Variants in CLTCL1 observed in about 807,000 individuals in gnomAD.
CLTCL1 encodes the protein clathrin heavy chain 2.
Under a neutral mutation model 190.0 loss-of-function variants are expected in CLTCL1, and 159 were observed. The ratio of observed to expected loss-of-function variants is 0.84; its 90% CI spans 0.74 to 0.95. CLTCL1 has a LOEUF of 0.95. Ranked by LOEUF, CLTCL1 falls within the 40% of genes least tolerant of loss-of-function variation. The pLI, the probability that CLTCL1 is intolerant of heterozygous loss-of-function variation, is 0.00. For missense variants in CLTCL1, 1,878 were observed against 2,033.4 expected (o/e 0.92, Z 1.47); for synonymous variants, 752 against 769.6 (o/e 0.98, Z 0.38).
chr22:19,285,197 C>A (rs1296787654), intron 1 of CLTCL1, among the ~76,000 whole-genome samples: 10 of 151,916 alleles, frequency 6.6e-5, no homozygotes, highest in Admixed American at 5.9e-4. Context: ...ATGGCGTGAA[C>A]CCTGGAGGCA....
intron 19 of CLTCL1, among the ~76,000 whole-genome samples, chr22:19,213,531 C>T (rs376388681): frequency 3.3e-5 from 5 of 152,158 alleles, no homozygotes; most frequent in Admixed American, 6.5e-5. Flanking sequence ...ACCACCCAAA[C>T]GTACTTTGAT....
rs1160974932 is a variant in CLTCL1, at chr22:19,257,621, C to T, written c.251-3394G>A. On this transcript the variant is annotated intron_variant, in intron 2 of 32. Transcript: ENST00000427926. ...GTACCCGGTTGATCAGCAGTCCAGC[C>T]GGCATCTATGCAGATGTAAGGGATT... The T allele has an allele frequency of 1.7e-5, 7 of 414,932 alleles. No individual in the cohort carries two copies. In the East Asian group the frequency reaches 3.6e-4, roughly 21 times the overall value. 25.7% of individuals were successfully genotyped at this position (414,932 alleles called of 1,614,324 possible).
At chr22:19,258,654 C>A in intron 2 of CLTCL1, 1 of 639,256 alleles carries the variant, frequency 1.6e-6, no homozygotes, top group East Asian at 3.1e-5. Context: ...CACCACCTAC[C>A]ACCGCCTGCT....
In CLTCL1 at chr22:19,183,589, T is replaced by C. The variant is rs782035220; in HGVS notation, c.4628A>G (p.Glu1543Gly). 8 of 1,613,592 alleles carry C rather than the reference T, an allele frequency of 5.0e-6. No individual in the cohort carries two copies. The Middle Eastern group carries it at 9.9e-4, about 200-fold the overall frequency. ...CTGGGCCAGCTCAGCATCCCGCGAC[T>C]CTGCAGCATGCTGCATGGCATCCTG... Reference protein sequence around the residue: ...LYKDAMQHAAESRDAELAQKL... With the variant: ...LYKDAMQHAAGSRDAELAQKL... The change falls in exon 30 of 33, where the codon GAG (glutamate) becomes GGG (glycine). Residue 1543 changes from glutamate (E) to glycine (G), a missense_variant. Transcript: ENST00000427926.
chr22:19,277,988 A>C (rs1008607032), intron 1 of CLTCL1, among the ~76,000 whole-genome samples: 3 of 152,144 alleles, frequency 2.0e-5, no homozygotes, highest in Non-Finnish European at 4.4e-5. Context: ...TGGCTAACAG[A>C]ACTCAAGGAA....
chr22:19,268,413 A>T (rs73377884), intron 2 of CLTCL1, among the ~76,000 whole-genome samples: 1,992 of 152,280 alleles, frequency 0.013, 33 homozygotes, highest in African/African-American at 0.046. Flanking sequence ...ATGAAAAGAC[A>T]AGGTACAGAC....
intron 10 of CLTCL1, among the ~76,000 whole-genome samples, chr22:19,231,555 A>T (rs1168604250): frequency 1.3e-5 from 2 of 152,250 alleles, no homozygotes; most frequent in Non-Finnish European, 1.5e-5. Context: ...TTATTGGGGC[A>T]CAACTGGGAA....
chr22:19,199,142 C>T (rs2084801529), intron 24 of CLTCL1, among the ~76,000 whole-genome samples: 1 of 152,164 alleles, frequency 6.6e-6, no homozygotes, highest in Admixed American at 6.5e-5. Context: ...CTTCGTCTGC[C>T]TTGACTAACC....
chr22:19,280,587 G>A (rs569416007), intron 1 of CLTCL1, among the ~76,000 whole-genome samples: 1 of 152,172 alleles, frequency 6.6e-6, no homozygotes, highest in African/African-American at 2.4e-5. Context: ...GGGAGGCTGA[G>A]GCGGGTGGGT....
intron 1 of CLTCL1, among the ~76,000 whole-genome samples, chr22:19,285,146 G>A (rs373361214): frequency 4.6e-4 from 69 of 151,634 alleles, no homozygotes; most frequent in African/African-American, 1.6e-3. Context: ...GTGGTGGTGG[G>A]TGCCTGTAGT....
chr22:19,246,517 C>A (rs1357477342), intron 3 of CLTCL1, among the ~76,000 whole-genome samples: 2 of 150,150 alleles, frequency 1.3e-5, no homozygotes, highest in Non-Finnish European at 3.0e-5. Context: ...GCTCTTGTTG[C>A]CCAGGCTGGA....
chr22:19,288,342 G>A (rs1342376849), intron 1 of CLTCL1, among the ~76,000 whole-genome samples: 8 of 152,044 alleles, frequency 5.3e-5, no homozygotes, highest in African/African-American at 1.4e-4. Context: ...TATGCATAGG[G>A]AAAAAAAGTG....
chr22:19,207,010 A>ATTTTTTTT (rs781980213), intron 22 of CLTCL1, among the ~76,000 whole-genome samples: 31 of 92,782 alleles, frequency 3.3e-4, no homozygotes, highest in Admixed American at 5.8e-4. Context: ...TAAACTACTA[A>ATTTTTTTT]TTTTTTTTTT....
chr22:19,252,199 T>C (rs555238313), intron 3 of CLTCL1, among the ~76,000 whole-genome samples: 2 of 152,336 alleles, frequency 1.3e-5, no homozygotes, highest in South Asian at 2.1e-4. Flanking sequence ...TGGTGGTCCA[T>C]CTTCAACATC....
chr22:19,261,642 AT>A (rs1361178968), intron 2 of CLTCL1, among the ~76,000 whole-genome samples: 2 of 152,222 alleles, frequency 1.3e-5, no homozygotes, highest in African/African-American at 4.8e-5. Context: ...GGAGGAAGTC[AT>A]TGCAGATGTG....
At chr22:19,212,026 T>C (rs1485625457) in intron 19 of CLTCL1, among the ~76,000 whole-genome samples, 1 of 152,096 alleles carries the variant, frequency 6.6e-6, no homozygotes, top group Non-Finnish European at 1.5e-5. Flanking sequence ...AAAATCTACA[T>C]ATGACCTATA....
At chr22:19,271,661 C>G (rs2800979) in intron 2 of CLTCL1, among the ~76,000 whole-genome samples, 10,830 of 152,204 alleles carry the variant, frequency 0.071, 472 homozygotes, top group Middle Eastern at 0.17. Context: ...CTTTATAGCA[C>G]TGTGAGAACG....
chr22:19,192,287 G>T (rs1194981671), intron 26 of CLTCL1, among the ~76,000 whole-genome samples: 5 of 152,002 alleles, frequency 3.3e-5, no homozygotes, highest in African/African-American at 1.2e-4. Flanking sequence ...GGATGGTCTC[G>T]ATCTCCTGAC....
chr22:19,214,382 C>T (rs2085322093), intron 19 of CLTCL1, among the ~76,000 whole-genome samples: 1 of 152,114 alleles, frequency 6.6e-6, no homozygotes, highest in Non-Finnish European at 1.5e-5. Flanking sequence ...GCTGCCCTTC[C>T]TCTCACCGGA....
Sources: gnomAD v4.1 joint callset for allele counts (sites outside exome capture counted in the v4.1 genomes callset) on GRCh38, gnomAD v4.1.1 for gene constraint, MANE v1.5 for transcripts, NCBI Gene and HGNC (gene_info 2026-07-23, HGNC 2026-07-21) for gene names.